Variants in MAN1C1 observed in about 807,000 individuals in gnomAD.
The protein encoded by MAN1C1 is mannosidase alpha class 1C member 1, also known as mannosyl-oligosaccharide 1,2-alpha-mannosidase IC.
MAN1C1 carries 49 observed loss-of-function variants against 71.5 expected under a neutral mutation model. That is an observed-to-expected ratio of 0.69 (90% CI 0.54 to 0.87). The LOEUF (loss-of-function observed/expected upper bound fraction) is 0.87. MAN1C1 is among the 40% of genes least tolerant of loss of function. The pLI, the probability that MAN1C1 is intolerant of heterozygous loss-of-function variation, is 0.00. For missense variants in MAN1C1, 743 were observed against 835.0 expected (o/e 0.89, Z 1.36); for synonymous variants, 352 against 343.7 (o/e 1.02, Z -0.27).
intron 3 of MAN1C1, among the ~76,000 whole-genome samples, chr1:25,747,501 C>G (rs1363937667): frequency 1.3e-5 from 2 of 152,168 alleles, no homozygotes; most frequent in East Asian, 1.9e-4. Context: ...CAGTGGAGAC[C>G]GGGAGGGGCC....
chr1:25,647,694 G>C (rs1016347095), intron 1 of MAN1C1, among the ~76,000 whole-genome samples: 1 of 152,230 alleles, frequency 6.6e-6, no homozygotes, highest in Non-Finnish European at 1.5e-5. Context: ...TTTGCTCCCA[G>C]TGGTAGCTTC....
At position 25,712,943 on chromosome 1, in the gene MAN1C1, A is replaced by C. The variant is rs115485793; in HGVS notation, c.637+26407A>C. ...TACTTTCCAAGCCAGTGGCCTTTTG[A>C]TATTGACTTGGGATTAAACTCCCCA... On this transcript the variant is annotated intron_variant, in intron 2 of 11. Coordinates refer to ENST00000374332, the MANE Select transcript of MAN1C1 (RefSeq NM_020379.4). 7.0e-3 allele frequency among the ~76,000 whole-genome samples: 1,069 copies of C among 152,234 alleles called. 17 individuals carry two copies. Among genetic ancestry groups the C allele is most frequent in the African/African-American group, 0.024 (1,008 of 41,532 alleles).
intron 1 of MAN1C1, among the ~76,000 whole-genome samples, chr1:25,680,052 A>G (rs1480044940): frequency 4.0e-5 from 6 of 151,042 alleles, no homozygotes; most frequent in Admixed American, 2.6e-4. Context: ...CTTTTAAAGT[A>G]TAAATTTTAG....
chr1:25,710,963 G>T (rs905296014), intron 2 of MAN1C1, among the ~76,000 whole-genome samples: 1 of 152,176 alleles, frequency 6.6e-6, no homozygotes, highest in African/African-American at 2.4e-5. Context: ...TGAACTCATT[G>T]TATCAACTAA....
intron 2 of MAN1C1, among the ~76,000 whole-genome samples, chr1:25,738,792 A>G (rs886194220): frequency 2.0e-5 from 3 of 152,114 alleles, no homozygotes; most frequent in African/African-American, 7.2e-5. Flanking sequence ...GGGCTTCCTT[A>G]CAGTATGGTG....
chr1:25,747,369 A>C (rs1483376557), intron 3 of MAN1C1, among the ~76,000 whole-genome samples: 20 of 152,238 alleles, frequency 1.3e-4, no homozygotes, highest in Non-Finnish European at 2.9e-5. Flanking sequence ...TCTGGATGGC[A>C]CAACAGCCTT....
chr1:25,708,948 C>G (rs1460533494), intron 2 of MAN1C1, among the ~76,000 whole-genome samples: 1 of 152,102 alleles, frequency 6.6e-6, no homozygotes, highest in Non-Finnish European at 1.5e-5. Context: ...AAATTTCATT[C>G]CACTCCAACT....
In MAN1C1 at chr1:25,618,049, G is replaced by T; in HGVS notation, c.252G>T (p.Pro84=). 1 of 1,566,014 alleles carries T rather than the reference G, an allele frequency of 6.4e-7. No homozygotes were observed. Among genetic ancestry groups the T allele is most frequent in the South Asian group, 1.1e-5 (1 of 87,524 alleles). ...PAREQEPPPN[P]APAAPAPGED... The stretch of plus-strand genomic sequence containing the variant: ...GCGAGCAGGAGCCGCCTCCCAACCC[G>T]GCCCCCGCCGCGCCGGCCCCGGGCG... Residue 84 remains proline, a synonymous_variant, in exon 1 of 12, where the codon CCG becomes CCT. Transcript: ENST00000374332.
At chr1:25,737,400 G>A (rs528072566) in intron 2 of MAN1C1, among the ~76,000 whole-genome samples, 51 of 152,144 alleles carry the variant, frequency 3.4e-4, no homozygotes, top group Non-Finnish European at 5.4e-4. Context: ...TGCCCATTTC[G>A]CCCCCCCGAC....
rs79990745 is a variant in MAN1C1 at position 25,655,343 on chromosome 1, G to A, written c.541-31097G>A. On this transcript the variant is annotated intron_variant, in intron 1 of 11. Coordinates refer to ENST00000374332, the MANE Select transcript of MAN1C1 (RefSeq NM_020379.4). ...CTGCTGTCCAACACTGCTCTTCCAG[G>A]GTTAAAGTTCCCCTTCTGCAAGGTG... is the stretch of plus-strand genomic sequence containing the variant. Among the ~76,000 whole-genome samples the A allele has an allele frequency of 3.8e-3, 584 of 152,276 alleles. 6 individuals carry two copies. Among genetic ancestry groups the A allele is most frequent in the African/African-American group, 0.013 (552 of 41,552 alleles).
At chr1:25,677,318 A>G (rs562866962) in intron 1 of MAN1C1, among the ~76,000 whole-genome samples, 137 of 152,124 alleles carry the variant, frequency 9.0e-4, no homozygotes, top group African/African-American at 3.2e-3. Flanking sequence ...TTTGTGGTCT[A>G]TTGTTAGGTG....
At chr1:25,773,440 C>T (rs1315720278) in intron 8 of MAN1C1, among the ~76,000 whole-genome samples, 6 of 152,188 alleles carry the variant, frequency 3.9e-5, no homozygotes, top group Non-Finnish European at 7.3e-5. Context: ...TTTTTCCCTG[C>T]TCAGCTCCCT....
intron 3 of MAN1C1, among the ~76,000 whole-genome samples, chr1:25,748,449 T>A (rs145615633): frequency 0.01 from 1,581 of 152,280 alleles, 20 homozygotes; most frequent in African/African-American, 0.035. Flanking sequence ...ACAACAGGCA[T>A]GTCTGGCTGT....
intron 6 of MAN1C1, among the ~76,000 whole-genome samples, chr1:25,761,842 C>A (rs1326936510): frequency 1.3e-5 from 2 of 151,880 alleles, no homozygotes; most frequent in Admixed American, 1.3e-4. Context: ...AGGCTGGTCT[C>A]GAACTCCTGA....
intron 10 of MAN1C1, among the ~76,000 whole-genome samples, chr1:25,781,817 G>A (rs1455300310): frequency 5.3e-5 from 8 of 151,976 alleles, no homozygotes; most frequent in African/African-American, 1.7e-4. Context: ...GGCCTTCAAA[G>A]GCCAAGCGTC....
chr1:25,771,947 C>T, intron 8 of MAN1C1, 175 bp downstream of exon 8: 1 of 599,208 alleles, frequency 1.7e-6, no homozygotes, highest in East Asian at 2.8e-5. Flanking sequence ...AGGCATTTTA[C>T]ACCCTGCGAC....
chr1:25,639,574 T>A (rs2045510807), intron 1 of MAN1C1, among the ~76,000 whole-genome samples: 1 of 152,210 alleles, frequency 6.6e-6, no homozygotes, highest in Non-Finnish European at 1.5e-5. Flanking sequence ...CCTTCCTTTG[T>A]TATTTTCTAA....
At chr1:25,644,518 A>ATATATATATTT (rs61386117) in intron 1 of MAN1C1, 5 of 40,288 alleles carry the variant, frequency 1.2e-4, no homozygotes, top group African/African-American at 9.6e-4. Flanking sequence ...ATATATATAT[A>ATATATATATTT]TTTTTTTTTT....
chr1:25,783,692 A>C lies in MAN1C1; in HGVS notation c.1796A>C (p.Asp599Ala). ...KYLYLLFSED[D>A]LLSLEDWVFN... Reference sequence around the variant, plus strand: ...CTCTATCTTCTGTTCTCTGAAGATGACTTGCTCTCCCTGGAAGACTGGGTG... The same window carrying C: ...CTCTATCTTCTGTTCTCTGAAGATGCCTTGCTCTCCCTGGAAGACTGGGTG... The change falls in exon 12 of 12, where the codon GAC (aspartate) becomes GCC (alanine). Residue 599 changes from aspartate (D) to alanine (A), a missense_variant. By Grantham distance (126) the Asp-to-Ala change is moderately radical (BLOSUM62 -2). Transcript: ENST00000374332. The C allele has an allele frequency of 6.2e-7, 1 of 1,613,254 alleles. No individual in the cohort carries two copies. Among genetic ancestry groups the C allele is most frequent in the Non-Finnish European group, 8.5e-7 (1 of 1,179,988 alleles).
Sources: allele counts gnomAD v4.1 joint callset (sites outside exome capture counted in the v4.1 genomes callset), GRCh38; gene constraint gnomAD v4.1.1; transcripts MANE v1.5; gene names NCBI Gene and HGNC (gene_info 2026-07-23, HGNC 2026-07-21).